AFF3: variants seen among roughly 807,000 people sequenced by gnomAD.
AFF3 encodes the protein AF4/FMR2 family member 3.
Under a neutral mutation model 129.7 loss-of-function variants are expected in AFF3, and 32 were observed. That is an observed-to-expected ratio of 0.25 (90% confidence interval 0.19 to 0.33). The LOEUF is 0.33. Ranked by LOEUF, AFF3 falls within the 10% of genes least tolerant of loss-of-function variation. AFF3 has a pLI of 1.00. For missense variants in AFF3, 1,373 were observed against 1,592.0 expected, an observed-to-expected ratio of 0.86 and a Z score of 2.34; for synonymous variants, 644 against 635.4, an observed-to-expected ratio of 1.01 and a Z score of -0.20.
intron 13 of AFF3, among the ~76,000 whole-genome samples, chr2:99,612,748 G>A (rs1681054487): frequency 6.6e-6 from 1 of 152,176 alleles, no homozygotes. Flanking sequence ...CTGAGCTGGT[G>A]CACGGCACAC....
chr2:99,808,493 A>T (rs973191473), intron 8 of AFF3, among the ~76,000 whole-genome samples: 2 of 152,206 alleles, frequency 1.3e-5, no homozygotes, highest in Admixed American at 6.5e-5. Context: ...CAGAGTGATG[A>T]ACAAGAAAAC....
At chr2:99,986,083 C>T (rs1202518971) in intron 7 of AFF3, among the ~76,000 whole-genome samples, 2 of 151,648 alleles carry the variant, frequency 1.3e-5, no homozygotes, top group Non-Finnish European at 2.9e-5. Flanking sequence ...TGCCTATAGT[C>T]CCAGCTATTC....
chr2:99,605,566 C>T (rs567546315), intron 13 of AFF3, among the ~76,000 whole-genome samples: 1 of 152,312 alleles, frequency 6.6e-6, no homozygotes, highest in Admixed American at 6.5e-5. Context: ...GTGCTTGCAG[C>T]TGCTTTACCC....
chr2:99,870,833 T>C (rs1051381767), intron 7 of AFF3, among the ~76,000 whole-genome samples: 5 of 152,250 alleles, frequency 3.3e-5, no homozygotes, highest in African/African-American at 7.2e-5. Context: ...CTCAAATTGA[T>C]TTAAATACCA....
chr2:100,027,123 T>C lies in AFF3; in HGVS notation c.54-18191A>G, dbSNP rs898180960. Among the ~76,000 whole-genome samples, 5 of 152,168 alleles carry C rather than the reference T, an allele frequency of 3.3e-5. 1 individual carries two copies. The South Asian group carries it at 6.2e-4, about 19-fold the overall frequency. On this transcript the variant is annotated intron_variant, in intron 4 of 24. Coordinates refer to ENST00000672756, the MANE Select transcript of AFF3 (RefSeq NM_001386135.1). Reference sequence around the variant, plus strand: ...AGAGAAAAAAAGTGAACTAGACCAATGTTTCCACAAACCTATCCTATAGGC... The same window carrying C: ...AGAGAAAAAAAGTGAACTAGACCAACGTTTCCACAAACCTATCCTATAGGC...
intron 8 of AFF3, among the ~76,000 whole-genome samples, chr2:99,754,722 A>T (rs1489415982): frequency 6.6e-6 from 1 of 152,212 alleles, no homozygotes; most frequent in Non-Finnish European, 1.5e-5. Context: ...GGAATAGCAG[A>T]CAAACTTTGA....
At chr2:99,705,893 A>C (rs998970117) in intron 11 of AFF3, among the ~76,000 whole-genome samples, 3 of 151,420 alleles carry the variant, frequency 2.0e-5, no homozygotes, top group South Asian at 2.1e-4. Context: ...AAAAAAAAAA[A>C]AAAAAAACAC....
intron 8 of AFF3, among the ~76,000 whole-genome samples, chr2:99,828,685 C>T (rs989272656): frequency 6.6e-6 from 1 of 152,196 alleles, no homozygotes; most frequent in African/African-American, 2.4e-5. Flanking sequence ...AGTAATGGGA[C>T]TGAAAGGTCT....
At chr2:99,902,419 C>T (rs1020843822) in intron 7 of AFF3, among the ~76,000 whole-genome samples, 2 of 152,112 alleles carry the variant, frequency 1.3e-5, no homozygotes, top group Admixed American at 6.5e-5. Flanking sequence ...ACACACACCG[C>T]GCACTCACTA....
At chr2:100,141,148 C>T (rs768809322) in intron 1 of AFF3, among the ~76,000 whole-genome samples, 5 of 152,084 alleles carry the variant, frequency 3.3e-5, no homozygotes, top group Admixed American at 6.6e-5. Context: ...GTGGGAACTC[C>T]GATGCAGAGA....
chr2:99,687,063 T>C (rs1675132906), intron 11 of AFF3, among the ~76,000 whole-genome samples: 1 of 152,206 alleles, frequency 6.6e-6, no homozygotes, highest in African/African-American at 2.4e-5. Context: ...CTCACTGAAT[T>C]TTCTTATCCA....
intron 8 of AFF3, among the ~76,000 whole-genome samples, chr2:99,769,036 T>C (rs1005483556): frequency 2.0e-5 from 3 of 152,208 alleles, no homozygotes; most frequent in Admixed American, 2.0e-4. Context: ...TATTGATACC[T>C]TTCTCTAGGT....
chr2:99,864,604 G>A (rs1691240844), intron 7 of AFF3, among the ~76,000 whole-genome samples: 1 of 152,132 alleles, frequency 6.6e-6, no homozygotes, highest in Admixed American at 6.5e-5. Flanking sequence ...CAACTGCTCT[G>A]AAAGACACCC....
At chr2:99,775,425 G>A (rs1683819630) in intron 8 of AFF3, among the ~76,000 whole-genome samples, 1 of 152,146 alleles carries the variant, frequency 6.6e-6, no homozygotes. Flanking sequence ...TGGAGCTGGA[G>A]GCCTTTATCC....
At chr2:99,925,318 C>G (rs1261203634) in intron 7 of AFF3, among the ~76,000 whole-genome samples, 2 of 151,970 alleles carry the variant, frequency 1.3e-5, no homozygotes, top group Non-Finnish European at 2.9e-5. Flanking sequence ...GATGATCAAT[C>G]CTTATTTTTT....
intron 7 of AFF3, among the ~76,000 whole-genome samples, chr2:99,923,155 G>A (rs1011249734): frequency 3.9e-5 from 6 of 152,244 alleles, no homozygotes; most frequent in African/African-American, 1.4e-4. Flanking sequence ...AAGCACAGCA[G>A]TACTGAGCTC....
intron 11 of AFF3, among the ~76,000 whole-genome samples, chr2:99,677,076 C>T (rs1342724411): frequency 2.0e-5 from 3 of 151,868 alleles, no homozygotes; most frequent in Non-Finnish European, 4.4e-5. Flanking sequence ...GAGATCAGCC[C>T]GGGCAATATA....
chr2:99,610,099 C>A (rs1172555185), intron 13 of AFF3, among the ~76,000 whole-genome samples: 1 of 152,200 alleles, frequency 6.6e-6, no homozygotes, highest in Non-Finnish European at 1.5e-5. Flanking sequence ...AGATAACCAC[C>A]TTTAACTGTA....
Position 99,547,562 on chromosome 2 carries a change from A to G in AFF3, c.*3912T>C, listed in dbSNP as rs1028955588. 1 of 203,842 alleles carries G rather than the reference A, an allele frequency of 4.9e-6. No individual in the cohort carries two copies. Among genetic ancestry groups the G allele is most frequent in the Admixed American group, 6.0e-5 (1 of 16,730 alleles). 12.6% of individuals were successfully genotyped at this position (203,842 alleles called of 1,614,324 possible). Reference sequence around the variant, plus strand: ...GGAAAACTGTGAAAAATGTTATTTAAAAATATATATGTATATGCTACTGCA... The same window carrying G: ...GGAAAACTGTGAAAAATGTTATTTAGAAATATATATGTATATGCTACTGCA... On this transcript the variant is annotated 3_prime_UTR_variant, in exon 25 of 25. Coordinates refer to ENST00000672756, the MANE Select transcript of AFF3 (RefSeq NM_001386135.1).
Sources: allele counts gnomAD v4.1 joint callset (sites outside exome capture counted in the v4.1 genomes callset), GRCh38; gene constraint gnomAD v4.1.1; transcripts MANE v1.5; gene names NCBI Gene and HGNC (gene_info 2026-07-23, HGNC 2026-07-21).